Variants in DNAH11 observed in about 807,000 individuals in gnomAD.
DNAH11 encodes the protein dynein axonemal heavy chain 11.
In DNAH11, 442 loss-of-function variants were observed where a neutral mutation model predicts 526.0. That is an observed-to-expected ratio of 0.84 (90% CI 0.78 to 0.91). The LOEUF is 0.91. DNAH11 is among the 40% of genes least tolerant of loss of function. The pLI, the probability that DNAH11 is intolerant of heterozygous loss-of-function variation, is 0.00. For synonymous variants in DNAH11, 2,461 were observed against 1,935.9 expected, an observed-to-expected ratio of 1.27 and a Z score of -7.12; for missense variants, 6,989 against 5,448.7, an observed-to-expected ratio of 1.28 and a Z score of -8.90.
intron 76 of DNAH11, among the ~76,000 whole-genome samples, chr7:21,886,488 A>G (rs1458249563): frequency 6.6e-6 from 1 of 152,184 alleles, no homozygotes; most frequent in Non-Finnish European, 1.5e-5. Context: ...CTAATGAGCA[A>G]GATTTCACAT....
Position 21,588,573 on chromosome 7 carries a change from G to T in DNAH11, c.1910G>T (p.Trp637Leu). 1 of 1,613,476 alleles carries T rather than the reference G, an allele frequency of 6.2e-7. No homozygotes were observed. The change falls in exon 11 of 82, where the codon TGG (tryptophan) becomes TTG (leucine). Residue 637 changes from tryptophan to leucine, a missense_variant. Physicochemically the swap from Trp to Leu is moderately conservative, Grantham distance 61. Transcript: ENST00000409508. ...CCATTTACCTCAGGAAATATGAAAT[G>T]GGCCCAGCAGGTTCTCCAACGACTT... is the stretch of plus-strand genomic sequence containing the variant. ...NMPFTSGNMK[W>L]AQQVLQRLQM... is the part of the protein sequence containing the mutation.
chr7:21,885,331 G>A (rs887167465), intron 76 of DNAH11, among the ~76,000 whole-genome samples: 6 of 149,512 alleles, frequency 4.0e-5, no homozygotes, highest in Admixed American at 2.0e-4. Context: ...TGAACCTGGA[G>A]GACATTACGT....
intron 73 of DNAH11, among the ~76,000 whole-genome samples, chr7:21,872,143 A>AC (rs1253841044): frequency 2.0e-5 from 3 of 147,522 alleles, no homozygotes; most frequent in African/African-American, 7.4e-5. Context: ...AAAAAAAAAA[A>AC]AAAAAACCTT....
chr7:21,677,755 C>T (rs1381957166), intron 30 of DNAH11, among the ~76,000 whole-genome samples: 2 of 152,150 alleles, frequency 1.3e-5, no homozygotes, highest in African/African-American at 4.8e-5. Flanking sequence ...GATCTTTTGA[C>T]TTTTTTATTA....
At chr7:21,791,930 G>C (rs1202953689) in intron 61 of DNAH11, among the ~76,000 whole-genome samples, 3 of 152,164 alleles carry the variant, frequency 2.0e-5, no homozygotes, top group African/African-American at 7.2e-5. Flanking sequence ...GGTTTAATTG[G>C]CCCATGATTC....
At chr7:21,588,661 G>A (rs1419666576) in intron 11 of DNAH11, 25 bp downstream of exon 11, 1 of 1,609,102 alleles carries the variant, frequency 6.2e-7, no homozygotes, top group South Asian at 1.1e-5. Context: ...TTAGGTCATG[G>A]CAAGTTATTC....
intron 8 of DNAH11, among the ~76,000 whole-genome samples, chr7:21,573,541 C>T (rs1783974185): frequency 6.6e-6 from 1 of 152,276 alleles, no homozygotes; most frequent in East Asian, 1.9e-4. Context: ...ATCATTATTA[C>T]TTTAAAATAT....
intron 45 of DNAH11, among the ~76,000 whole-genome samples, chr7:21,733,054 G>T (rs1260789937): frequency 6.6e-6 from 1 of 152,214 alleles, no homozygotes; most frequent in East Asian, 1.9e-4. Flanking sequence ...TGGGGGAGGG[G>T]TGGGGACTTG....
intron 74 of DNAH11, among the ~76,000 whole-genome samples, chr7:21,876,407 T>C (rs2128040291): frequency 6.6e-6 from 1 of 152,346 alleles, no homozygotes; most frequent in Middle Eastern, 3.4e-3. Flanking sequence ...GAAAACAAAA[T>C]GCAGTTTTTA....
intron 65 of DNAH11, among the ~76,000 whole-genome samples, chr7:21,820,933 G>A (rs996815930): frequency 3.9e-5 from 6 of 152,162 alleles, no homozygotes; most frequent in Admixed American, 2.6e-4. Context: ...CTGAAGGGGC[G>A]TGGACCTAGA....
At chr7:21,779,522 T>A (rs1787846173) in intron 57 of DNAH11, among the ~76,000 whole-genome samples, 1 of 152,224 alleles carries the variant, frequency 6.6e-6, no homozygotes, top group Non-Finnish European at 1.5e-5. Flanking sequence ...TGCATTTTAA[T>A]AATACAACTG....
rs2965409 is a variant in DNAH11, at chr7:21,717,669, T to C, written c.6984-106T>C. The C allele has an allele frequency of 0.57, 759,259 of 1,332,882 alleles. 223,389 individuals are homozygous for C. The highest frequency in any genetic ancestry group is 0.86 in the African/African-American group (58,776 of 68,120). The allele number at this position is 1,332,882 out of a possible 1,614,324, so 82.6% of individuals were successfully genotyped here. On this transcript the variant is annotated intron_variant, in intron 42 of 81. Transcript: ENST00000409508. The stretch of plus-strand genomic sequence containing the variant: ...TAGAACGAACTCACTAAACGTGTCC[T>C]TGAAGTGTTGCACCAAGCTGTGTCA...
At chr7:21,629,862 C>G (rs566408483) in intron 25 of DNAH11, among the ~76,000 whole-genome samples, 1 of 152,044 alleles carries the variant, frequency 6.6e-6, no homozygotes, top group Non-Finnish European at 1.5e-5. Context: ...TGTTATGTTT[C>G]TTTAGCTATT....
intron 9 of DNAH11, 56 bp from the exon 10 acceptor site, chr7:21,588,008 G>C: frequency 1.3e-6 from 2 of 1,557,850 alleles, no homozygotes; most frequent in Non-Finnish European, 1.8e-6. Flanking sequence ...ATTATGAGCT[G>C]AGTATTTGTT....
At chr7:21,850,127 C>T (rs1782568040) in intron 66 of DNAH11, among the ~76,000 whole-genome samples, 1 of 151,824 alleles carries the variant, frequency 6.6e-6, no homozygotes, top group African/African-American at 2.4e-5. Flanking sequence ...GAGGCCAAGG[C>T]AGGCGGATCA....
intron 57 of DNAH11, among the ~76,000 whole-genome samples, chr7:21,781,698 A>C (rs1466846048): frequency 6.6e-6 from 1 of 152,178 alleles, no homozygotes; most frequent in Admixed American, 6.5e-5. Context: ...GGAAATTCTT[A>C]TAATCTAAAG....
At chr7:21,717,112 G>A (rs1397101331) in intron 42 of DNAH11, among the ~76,000 whole-genome samples, 1 of 152,000 alleles carries the variant, frequency 6.6e-6, no homozygotes, top group Non-Finnish European at 1.5e-5. Flanking sequence ...GTGCTACTAA[G>A]TCATGCTTTG....
intron 34 of DNAH11, among the ~76,000 whole-genome samples, chr7:21,690,564 T>A (rs560120417): frequency 2.6e-5 from 4 of 152,330 alleles, no homozygotes; most frequent in Admixed American, 2.6e-4. Context: ...TTTTTATAAT[T>A]CCTCCAGGAA....
chr7:21,716,882 C>G lies in DNAH11; in HGVS notation c.6984-893C>G, dbSNP rs149312180. ...TATTTAATAAACTCTATTGTGAAGC[C>G]TTGAGAAAAGTGAAAGGAGCCGTTT... On this transcript the variant is annotated intron_variant, in intron 42 of 81. Coordinates refer to ENST00000409508, the MANE Select transcript of DNAH11 (RefSeq NM_001277115.2). Among the ~76,000 whole-genome samples, 24 of 152,230 alleles carry G rather than the reference C, an allele frequency of 1.6e-4. No individual in the cohort carries two copies. The East Asian group carries it at 4.4e-3, about 28-fold the overall frequency.
Sources: gnomAD v4.1 joint callset for allele counts (sites outside exome capture counted in the v4.1 genomes callset) on GRCh38, gnomAD v4.1.1 for gene constraint, MANE v1.5 for transcripts, NCBI Gene and HGNC (gene_info 2026-07-23, HGNC 2026-07-21) for gene names.